The following KCNC1 variants were observed in gnomAD, a reference collection of about 807,000 sequenced individuals.
The protein encoded by KCNC1 is potassium voltage-gated channel subfamily C member 1.
Under a neutral mutation model 43.4 loss-of-function variants are expected in KCNC1, and 8 were observed. That is an observed-to-expected ratio of 0.18 (90% CI 0.11 to 0.33). KCNC1 has a LOEUF of 0.33. KCNC1 is among the 10% of genes least tolerant of loss of function. KCNC1 has a pLI of 1.00. For missense variants in KCNC1, 420 were observed against 836.0 expected (o/e 0.50, Z 6.14); for synonymous variants, 361 against 360.5 (o/e 1.00, Z -0.01).
At chr11:17,748,728 C>T (rs1237817704) in intron 1 of KCNC1, among the ~76,000 whole-genome samples, 2 of 152,036 alleles carry the variant, frequency 1.3e-5, no homozygotes, top group African/African-American at 2.4e-5. Flanking sequence ...CATGGGTTCC[C>T]TGAGTGTTCC....
chr11:17,781,633 G>A lies in KCNC1; in HGVS notation c.1694-37G>A, dbSNP rs751155706. On this transcript the variant is annotated intron_variant, in intron 3 of 3. Transcript: ENST00000265969. This position sits in a 1 kb window ranked among gnomAD's most constrained non-coding sequence, Gnocchi z 5.1. ...CCAAGCGGGATGGGAGAGCCAAGAA[G>A]AGAAGCTCAAGTGTTAATTGTATTC... The A allele has an allele frequency of 7.0e-7, 1 of 1,431,536 alleles. No homozygotes were observed. The highest frequency in any genetic ancestry group is 2.5e-5 in the East Asian group (1 of 40,250). The allele number at this position is 1,431,536 out of a possible 1,614,324, so 88.7% of individuals were successfully genotyped here. A position where few individuals can be genotyped will look rare whatever the true frequency, so the allele number is the denominator to read the frequency against.
At chr11:17,764,308 C>T (rs1849122988) in intron 1 of KCNC1, among the ~76,000 whole-genome samples, 1 of 149,396 alleles carries the variant, frequency 6.7e-6, no homozygotes, top group African/African-American at 2.5e-5. Flanking sequence ...CCACTTCATA[C>T]CTGTCTCCAT....
At chr11:17,767,769 A>T (rs1005560600) in intron 1 of KCNC1, among the ~76,000 whole-genome samples, 2 of 152,294 alleles carry the variant, frequency 1.3e-5, no homozygotes, top group African/African-American at 4.8e-5. Flanking sequence ...GCAGTGTGAG[A>T]GGCCTGGCCT....
At chr11:17,749,725 A>G (rs1045263060) in intron 1 of KCNC1, among the ~76,000 whole-genome samples, 5 of 152,186 alleles carry the variant, frequency 3.3e-5, no homozygotes, top group African/African-American at 9.6e-5. Flanking sequence ...TGTGGCTGTC[A>G]TCTGCTGAGG....
chr11:17,762,485 G>C (rs192223218), intron 1 of KCNC1, among the ~76,000 whole-genome samples: 2 of 152,168 alleles, frequency 1.3e-5, no homozygotes, highest in African/African-American at 2.4e-5. Flanking sequence ...GACAATGAAG[G>C]CTCAGAAAGG....
intron 1 of KCNC1, among the ~76,000 whole-genome samples, chr11:17,747,574 G>A (rs990460335): frequency 6.6e-6 from 1 of 152,162 alleles, no homozygotes; most frequent in Non-Finnish European, 1.5e-5. Flanking sequence ...CTCCTGTTGG[G>A]TGCCCATGGG....
In KCNC1 at chr11:17,777,056, G is replaced by A; in HGVS notation, c.1505-2400G>A. On this transcript the variant is annotated intron_variant, in intron 2 of 3. Transcript: ENST00000265969. The surrounding 1 kb of genome is among the most constrained non-coding windows in gnomAD (Gnocchi z 4.3). ...AGGTGCCAGGCTATCATCCCTCCAG[G>A]GATCCCTGATGGATGTTCCTTGTCC... 2.0e-6 allele frequency: 2 copies of A among 985,228 alleles called. No homozygotes were observed. Among genetic ancestry groups the A allele is most frequent in the Non-Finnish European group, 2.4e-6 (2 of 829,916 alleles). The allele number at this position is 985,228 out of a possible 1,614,324, so 61.0% of individuals were successfully genotyped here. A position where few individuals can be genotyped will look rare whatever the true frequency, so the allele number is the denominator to read the frequency against.
At chr11:17,748,077 A>ATCT (rs1848921660) in intron 1 of KCNC1, among the ~76,000 whole-genome samples, 1 of 152,260 alleles carries the variant, frequency 6.6e-6, no homozygotes, top group Non-Finnish European at 1.5e-5. Context: ...AGGGCAAAGA[A>ATCT]CAAAACCACC....
Position 17,781,521 on chromosome 11 carries a change from T to C in KCNC1, c.1694-149T>C. The stretch of plus-strand genomic sequence containing the variant: ...AGGCGTGCTAGGCTGGCTCAGTGCA[T>C]GGGCAAACCAAGCCAGCTGGAGAAG... On this transcript the variant is annotated intron_variant, in intron 3 of 3. Transcript: ENST00000265969. This position sits in a 1 kb window ranked among gnomAD's most constrained non-coding sequence, Gnocchi z 5.1. 1 of 639,724 alleles carries C rather than the reference T, an allele frequency of 1.6e-6. No individual in the cohort carries two copies. The highest frequency in any genetic ancestry group is 2.8e-6 in the Non-Finnish European group (1 of 355,592). The allele number at this position is 639,724 out of a possible 1,614,324, so 39.6% of individuals were successfully genotyped here. A position where few individuals can be genotyped will look rare whatever the true frequency, so the allele number is the denominator to read the frequency against.
In KCNC1 at chr11:17,735,374, C is replaced by G. The variant is rs1848751555; in HGVS notation, c.-629C>G. On this transcript the variant is annotated 5_prime_UTR_variant, in exon 1 of 4. Coordinates refer to ENST00000265969, the MANE Select transcript of KCNC1 (RefSeq NM_001112741.2). This position sits in a 1 kb window ranked among gnomAD's most constrained non-coding sequence, Gnocchi z 6.7. The stretch of plus-strand genomic sequence containing the variant: ...GGGGGCCGGAGCCCGCCCTGCGTCC[C>G]GAGCTGCAGCCCGGCCACGCAGGGA... The G allele has an allele frequency of 6.6e-6, 1 of 151,910 alleles. No homozygotes were observed. Among genetic ancestry groups the G allele is most frequent in the South Asian group, 2.1e-4 (1 of 4,816 alleles). 9.4% of individuals were successfully genotyped at this position (151,910 alleles called of 1,614,324 possible).
chr11:17,755,596 A>G (rs1226680236), intron 1 of KCNC1, among the ~76,000 whole-genome samples: 1 of 151,450 alleles, frequency 6.6e-6, no homozygotes, highest in African/African-American at 2.4e-5. Flanking sequence ...TGACAGAAAG[A>G]GATGTGTCAA....
Position 17,739,679 on chromosome 11 carries a change from G to A in KCNC1, c.570+3107G>A, listed in dbSNP as rs1021578227. On this transcript the variant is annotated intron_variant, in intron 1 of 3. Coordinates refer to ENST00000265969, the MANE Select transcript of KCNC1 (RefSeq NM_001112741.2). This position sits in a 1 kb window ranked among gnomAD's most constrained non-coding sequence, Gnocchi z 4.2. ...GTGGAGCTCATGTGTGAGTCTGTGT[G>A]TGTGTGTGTGTGTGTGTGTGTGTAC... Among the ~76,000 whole-genome samples the A allele has an allele frequency of 8.2e-5, 9 of 109,330 alleles. 1 individual carries two copies. The South Asian group carries it at 3.1e-3, about 38-fold the overall frequency. 71.7% of individuals were successfully genotyped at this position (109,330 alleles called of 152,430 possible).
Position 17,736,894 on chromosome 11 carries a change from T to C in KCNC1, c.570+322T>C, listed in dbSNP as rs1176506477. Among the ~76,000 whole-genome samples the C allele has an allele frequency of 6.6e-6, 1 of 152,150 alleles. No individual in the cohort carries two copies. Among genetic ancestry groups the C allele is most frequent in the Non-Finnish European group, 1.5e-5 (1 of 68,026 alleles). On this transcript the variant is annotated intron_variant, in intron 1 of 3. Coordinates refer to ENST00000265969, the MANE Select transcript of KCNC1 (RefSeq NM_001112741.2). The surrounding 1 kb of genome is among the most constrained non-coding windows in gnomAD (Gnocchi z 9.3). ...GGGTGGGTAAAGTGTGGAGTGGGAA[T>C]GAGTGAGCATGTGTGTATGTTCGAG...
Position 17,779,126 on chromosome 11 carries a change from T to G in KCNC1, c.1505-330T>G. 4 of 227,772 alleles carry G rather than the reference T, an allele frequency of 1.8e-5. No individual in the cohort carries two copies. Among genetic ancestry groups the G allele is most frequent in the East Asian group, 1.0e-4 (1 of 9,854 alleles). The allele number at this position is 227,772 out of a possible 1,614,324, so 14.1% of individuals were successfully genotyped here. On this transcript the variant is annotated intron_variant, in intron 2 of 3. Coordinates refer to ENST00000265969, the MANE Select transcript of KCNC1 (RefSeq NM_001112741.2). The surrounding 1 kb of genome is among the most constrained non-coding windows in gnomAD (Gnocchi z 7.2). ...CTCCCCCATGACTGCATCCACACCA[T>G]CCTGTTTCATCGGCCCTGCTTGGGG...
At chr11:17,740,108 G>A (rs904552023) in intron 1 of KCNC1, among the ~76,000 whole-genome samples, 2 of 152,234 alleles carry the variant, frequency 1.3e-5, no homozygotes. Context: ...TGCTGGCCCT[G>A]GAGATAGGGG....
At chr11:17,775,354 G>C (rs150119408) in intron 2 of KCNC1, 3 of 984,600 alleles carry the variant, frequency 3.0e-6, no homozygotes, top group African/African-American at 1.8e-5. Context: ...TCTTGGTCTC[G>C]TCTGAAGCCT....
Position 17,776,733 on chromosome 11 carries a change from G to A in KCNC1, c.1505-2723G>A. On this transcript the variant is annotated intron_variant, in intron 2 of 3. Coordinates refer to ENST00000265969, the MANE Select transcript of KCNC1 (RefSeq NM_001112741.2). The surrounding 1 kb of genome is among the most constrained non-coding windows in gnomAD (Gnocchi z 4.4). ...GCTCCTAGCCACTATCTCATCCAAA[G>A]GATGGGGCAGGGGCGGGGGCTCACA... 1 of 985,368 alleles carries A rather than the reference G, an allele frequency of 1.0e-6. No homozygotes were observed. The highest frequency in any genetic ancestry group is 1.2e-6 in the Non-Finnish European group (1 of 829,924). 61.0% of individuals were successfully genotyped at this position (985,368 alleles called of 1,614,324 possible). A position where few individuals can be genotyped will look rare whatever the true frequency, so the allele number is the denominator to read the frequency against.
chr11:17,771,808 G>A lies in KCNC1; in HGVS notation c.714G>A (p.Glu238=), dbSNP rs2133804963. The A allele has an allele frequency of 1.2e-6, 2 of 1,614,254 alleles. No individual in the cohort carries two copies. Among genetic ancestry groups the A allele is most frequent in the South Asian group, 1.1e-5 (1 of 91,090 alleles). ...GCACGCAAGTGCGCTACTACCGGGA[G>A]GCCGAGACGGAGGCCTTCCTTACCT... ...RNGTQVRYYR[E]AETEAFLTYI... The change falls in exon 2 of 4, where the codon GAG becomes GAA. Residue 238 remains glutamate, a synonymous_variant. Transcript: ENST00000265969. This position sits in a 1 kb window ranked among gnomAD's most constrained non-coding sequence, Gnocchi z 4.7.
At chr11:17,755,714 T>A (rs1472038145) in intron 1 of KCNC1, among the ~76,000 whole-genome samples, 1 of 151,892 alleles carries the variant, frequency 6.6e-6, no homozygotes. Flanking sequence ...TCAGTTGACG[T>A]GTTGAGTTTG....
Sources: allele counts gnomAD v4.1 joint callset (sites outside exome capture counted in the v4.1 genomes callset), GRCh38; gene constraint gnomAD v4.1.1; non-coding constraint Gnocchi (gnomAD v3.1); transcripts MANE v1.5; gene names NCBI Gene and HGNC (gene_info 2026-07-23, HGNC 2026-07-21).